Variants in PARM1 observed in about 807,000 individuals in gnomAD.
The protein encoded by PARM1 is WSC4, cell wall integrity and stress response component 4 homolog.
In PARM1, 14 loss-of-function variants were observed where a neutral mutation model predicts 24.6. The ratio of observed to expected loss-of-function variants is 0.57; its 90% confidence interval spans 0.38 to 0.89. PARM1 has a LOEUF of 0.89. Among genes scored for constraint, PARM1 ranks in the 40% least tolerant of loss-of-function variants. The pLI is 0.00. For missense variants in PARM1, 362 were observed against 380.4 expected (o/e 0.95, Z 0.40); for synonymous variants, 179 against 156.6 (o/e 1.14, Z -1.07).
Position 75,049,908 on chromosome 4 carries a change from G to A in PARM1, c.*3661G>A, listed in dbSNP as rs912268162. ...CAAATGAATGTACCATTTCAACTTT[G>A]ATTTTAATAGTGCTAGTTGATATTG... is the stretch of plus-strand genomic sequence containing the variant. On this transcript the variant is annotated 3_prime_UTR_variant, in exon 4 of 4. Coordinates refer to ENST00000307428, the MANE Select transcript of PARM1 (RefSeq NM_015393.4). The A allele has an allele frequency of 2.7e-5, 3 of 112,734 alleles. No individual in the cohort carries two copies. Among genetic ancestry groups the A allele is most frequent in the African/African-American group, 1.1e-4 (3 of 26,176 alleles). The allele number at this position is 112,734 out of a possible 1,614,324, so 7.0% of individuals were successfully genotyped here.
chr4:74,962,894 A>T (rs1235278765), intron 1 of PARM1, among the ~76,000 whole-genome samples: 1 of 152,222 alleles, frequency 6.6e-6, no homozygotes, highest in Non-Finnish European at 1.5e-5. Context: ...TACACTTAAA[A>T]ACAGTTAACA....
At chr4:75,013,250 G>C in intron 2 of PARM1, 100 bp downstream of exon 2, 1 of 1,195,390 alleles carries the variant, frequency 8.4e-7, no homozygotes, top group Non-Finnish European at 1.2e-6. Context: ...ATTTTGGAGT[G>C]TAACACCTAA....
At chr4:74,995,397 A>G (rs1454678035) in intron 1 of PARM1, among the ~76,000 whole-genome samples, 1 of 152,152 alleles carries the variant, frequency 6.6e-6, no homozygotes, top group Non-Finnish European at 1.5e-5. Context: ...ATTAACATTT[A>G]TTGAGTATTT....
chr4:74,969,243 T>TGAGGGGG (rs1165378382), intron 1 of PARM1, among the ~76,000 whole-genome samples: 6 of 152,298 alleles, frequency 3.9e-5, no homozygotes, highest in African/African-American at 1.2e-4. Context: ...GTCGTTGTGT[T>TGAGGGGG]GAGGGGGCGG....
At chr4:75,010,594 G>A (rs1722853143) in intron 1 of PARM1, among the ~76,000 whole-genome samples, 1 of 152,048 alleles carries the variant, frequency 6.6e-6, no homozygotes, top group African/African-American at 2.4e-5. Flanking sequence ...GTTAAGGCTT[G>A]TCTGGGAAGA....
rs181669863 is a variant in PARM1 at position 75,014,382 on chromosome 4, A to G, written c.769+1232A>G. 2.5e-3 allele frequency among the ~76,000 whole-genome samples: 386 copies of G among 152,322 alleles called. 1 individual carries two copies. Among genetic ancestry groups the G allele is most frequent in the Non-Finnish European group, 2.6e-3 (179 of 68,032 alleles). ...AAGATAGACACTGAGACTGGGATAAAGGAACTAATGACAAAGGTCTGGCTG... is the reference window on the plus strand; with the variant it reads ...AAGATAGACACTGAGACTGGGATAAGGGAACTAATGACAAAGGTCTGGCTG... On this transcript the variant is annotated intron_variant, in intron 2 of 3. Coordinates refer to ENST00000307428, the MANE Select transcript of PARM1 (RefSeq NM_015393.4).
At chr4:74,980,581 T>C (rs1314026016) in intron 1 of PARM1, among the ~76,000 whole-genome samples, 1 of 152,170 alleles carries the variant, frequency 6.6e-6, no homozygotes, top group African/African-American at 2.4e-5. Context: ...TAAACTACCA[T>C]TGACATTTTT....
chr4:74,973,511 C>T (rs1378496728), intron 1 of PARM1, among the ~76,000 whole-genome samples: 1 of 127,814 alleles, frequency 7.8e-6, no homozygotes, highest in Non-Finnish European at 1.6e-5. Flanking sequence ...AGGGATAGAG[C>T]TAGAGACATT....
At chr4:75,008,724 A>C (rs987604140) in intron 1 of PARM1, among the ~76,000 whole-genome samples, 3 of 152,228 alleles carry the variant, frequency 2.0e-5, no homozygotes, top group Non-Finnish European at 2.9e-5. Context: ...CAGGAAGCTG[A>C]GTATGAGCTC....
intron 1 of PARM1, among the ~76,000 whole-genome samples, chr4:74,978,882 GC>G (rs1182284237): frequency 6.6e-6 from 1 of 152,078 alleles, no homozygotes; most frequent in East Asian, 1.9e-4. Flanking sequence ...TAAAATTAAG[GC>G]AGAAATCAAG....
intron 1 of PARM1, among the ~76,000 whole-genome samples, chr4:74,947,774 T>C (rs1384456912): frequency 1.3e-5 from 2 of 152,222 alleles, no homozygotes; most frequent in Admixed American, 1.3e-4. Flanking sequence ...GGATGCATTA[T>C]ACTCTTCTCT....
rs552195313 is a variant in PARM1 at position 74,944,497 on chromosome 4, C to T, written c.43+11127C>T. Among the ~76,000 whole-genome samples the T allele has an allele frequency of 2.6e-5, 4 of 152,210 alleles. No homozygotes were observed. The East Asian group carries it at 5.8e-4, about 22-fold the overall frequency. On this transcript the variant is annotated intron_variant, in intron 1 of 3. Coordinates refer to ENST00000307428, the MANE Select transcript of PARM1 (RefSeq NM_015393.4). Reference sequence around the variant, plus strand: ...GTGCTGGAGGCCCAGCAGAGAGCTGCGTCTGGTCTTGTGCTTGTGGTGCTG... The same window carrying T: ...GTGCTGGAGGCCCAGCAGAGAGCTGTGTCTGGTCTTGTGCTTGTGGTGCTG...
chr4:75,002,538 G>A (rs112204599), intron 1 of PARM1, among the ~76,000 whole-genome samples: 2,634 of 152,202 alleles, frequency 0.017, 65 homozygotes, highest in African/African-American at 0.06. Flanking sequence ...AGGCCAGTGT[G>A]TGTGACCTGC....
At chr4:75,009,368 T>C (rs2109792154) in intron 1 of PARM1, among the ~76,000 whole-genome samples, 1 of 152,356 alleles carries the variant, frequency 6.6e-6, no homozygotes, top group East Asian at 1.9e-4. Flanking sequence ...TACCTGAATG[T>C]TTCCCTTTTG....
intron 2 of PARM1, among the ~76,000 whole-genome samples, chr4:75,014,123 G>A (rs898567444): frequency 6.6e-6 from 1 of 152,160 alleles, no homozygotes; most frequent in African/African-American, 2.4e-5. Flanking sequence ...GTCAGTTGGG[G>A]TCAAAGGAAT....
chr4:75,013,416 G>A (rs1449094695), intron 2 of PARM1, among the ~76,000 whole-genome samples: 2 of 152,332 alleles, frequency 1.3e-5, no homozygotes, highest in Non-Finnish European at 1.5e-5. Flanking sequence ...AGACCAGATA[G>A]CAAAGGGATT....
intron 1 of PARM1, among the ~76,000 whole-genome samples, chr4:75,000,090 C>T (rs1722648044): frequency 6.6e-6 from 1 of 152,118 alleles, no homozygotes; most frequent in Non-Finnish European, 1.5e-5. Context: ...GTGGGAAGCA[C>T]TCCATTCCTG....
intron 1 of PARM1, among the ~76,000 whole-genome samples, chr4:74,976,027 G>C (rs777239896): frequency 1.3e-5 from 2 of 152,184 alleles, no homozygotes; most frequent in Non-Finnish European, 2.9e-5. Context: ...AACCAAGGGA[G>C]GTGGTGAGTG....
intron 1 of PARM1, among the ~76,000 whole-genome samples, chr4:74,996,782 T>C (rs761107940): frequency 3.9e-5 from 6 of 152,204 alleles, no homozygotes; most frequent in Non-Finnish European, 7.3e-5. Context: ...CCAGATTGTG[T>C]GTACAGTCAC....
Sources: allele counts gnomAD v4.1 joint callset (sites outside exome capture counted in the v4.1 genomes callset), GRCh38; gene constraint gnomAD v4.1.1; transcripts MANE v1.5; gene names NCBI Gene and HGNC (gene_info 2026-07-23, HGNC 2026-07-21).